Variants in STAB1 observed in about 807,000 individuals in gnomAD.
STAB1 encodes the protein stabilin-1.
Under a neutral mutation model 332.4 loss-of-function variants are expected in STAB1, and 250 were observed. The ratio of observed to expected loss-of-function variants is 0.75; its 90% CI spans 0.68 to 0.84. The LOEUF is 0.84. STAB1 is among the 40% of genes least tolerant of loss of function. The probability of loss-of-function intolerance (pLI) is 0.00; values close to 1 mark genes in which losing one functional copy is unlikely to be tolerated. For missense variants in STAB1, 3,249 were observed against 3,489.7 expected (o/e 0.93, Z 1.74); for synonymous variants, 1,475 against 1,390.4 (o/e 1.06, Z -1.35).
At chr3:52,519,640 G>GTGTGTGCATACCCACC (rs1422330163) in intron 50 of STAB1, 76 bp downstream of exon 50, 1 of 1,566,828 alleles carries the variant, frequency 6.4e-7, no homozygotes, top group African/African-American at 1.4e-5. Context: ...ATGCGTACCT[G>GTGTGTGCATACCCACC]TGTGTGCATA....
chr3:52,504,044 A>T lies in STAB1; in HGVS notation c.1039A>T (p.Ser347Cys), dbSNP rs1382164367. 6.3e-7 allele frequency: 1 copy of T among 1,597,966 alleles called. No individual in the cohort carries two copies. Among genetic ancestry groups the T allele is most frequent in the Non-Finnish European group, 8.5e-7 (1 of 1,172,516 alleles). ...GGAGCCCAGCTGTGTGTGCAGGGAA[A>T]GCGAGGTGGGGGATGGGCGTGCCTG... The part of the protein sequence containing the change: ...DGKTSCVCRE[S>C]EVGDGRACYG... Residue 347 changes from serine to cysteine, a missense_variant, in exon 10 of 69, where the codon AGC becomes TGC. Transcript: ENST00000321725.
In STAB1 at chr3:52,512,495, A is replaced by T. The variant is rs944968550; in HGVS notation, c.2979+59A>T. The T allele has an allele frequency of 1.2e-5, 19 of 1,611,184 alleles. No individual in the cohort carries two copies. The Admixed American group carries it at 3.2e-4, about 27-fold the overall frequency. ...CCGTGCTTGGGAAGGAGCCCTCTCC[A>T]GCACCTCAGGTGGGAAAGGGGCACT... On this transcript the variant is annotated intron_variant, in intron 27 of 68. Transcript: ENST00000321725.
chr3:52,521,289 G>T, intron 55 of STAB1, 72 bp from the exon 56 acceptor site: 1 of 1,596,930 alleles, frequency 6.3e-7, no homozygotes. Context: ...GCAGGGCTAG[G>T]CTGGAGGTAC....
chr3:52,505,557 C>T (rs1274298254), intron 14 of STAB1, 111 bp from the exon 15 acceptor site: 4 of 1,246,482 alleles, frequency 3.2e-6, no homozygotes, highest in Non-Finnish European at 3.4e-6. Context: ...GCCCATGTCT[C>T]CCCCTTACTC....
intron 15 of STAB1, 47 bp downstream of exon 15, chr3:52,505,828 C>T: frequency 6.2e-7 from 1 of 1,613,710 alleles, no homozygotes; most frequent in Non-Finnish European, 8.5e-7. Flanking sequence ...GCACCAGGAC[C>T]TCCACGCTCC....
At chr3:52,500,142 C>T (rs1170282836) in intron 1 of STAB1, among the ~76,000 whole-genome samples, 1 of 152,160 alleles carries the variant, frequency 6.6e-6, no homozygotes, top group East Asian at 1.9e-4. Flanking sequence ...TTACGGAGCT[C>T]CTGCACCCCA....
Position 52,516,030 on chromosome 3 carries a change from C to G in STAB1, c.3949-13C>G. The G allele has an allele frequency of 6.3e-7, 1 of 1,594,610 alleles. No individual in the cohort carries two copies. Among genetic ancestry groups the G allele is most frequent in the South Asian group, 1.1e-5 (1 of 88,724 alleles). ...GGCCTCTCTCGCCCTCTCTCCCATC[C>G]CCACGCCGACAGGTGCCGGACTGCT... On this transcript the variant is annotated splice_polypyrimidine_tract_variant and intron_variant, in intron 37 of 68. Coordinates refer to ENST00000321725, the MANE Select transcript of STAB1 (RefSeq NM_015136.3).
chr3:52,503,266 G>A (rs1708585866), intron 7 of STAB1, 78 bp from the exon 8 acceptor site: 11 of 1,532,202 alleles, frequency 7.2e-6, no homozygotes, highest in Non-Finnish European at 9.7e-6. Context: ...GCTGGCCCCG[G>A]CCTTCCTGGT....
intron 50 of STAB1, 150 bp from the exon 51 acceptor site, chr3:52,519,794 G>A (rs1270081520): frequency 2.0e-5 from 23 of 1,157,548 alleles, no homozygotes; most frequent in Non-Finnish European, 2.5e-5. Flanking sequence ...GCACAGTTGA[G>A]ATGTGTGCAC....
chr3:52,514,396 T>TGG lies in STAB1; in HGVS notation c.3582_3583dup (p.Glu1195GlyfsTer36). On this transcript the variant is annotated frameshift_variant, in exon 34 of 69. Coordinates refer to ENST00000321725, the MANE Select transcript of STAB1 (RefSeq NM_015136.3). LOFTEE classifies it high-confidence loss of function. Reference sequence around the variant, plus strand: ...GACACAGTGCGGCACCATGTGGTCCTGGGGGAGGCCCTCTCCATGGAAACC... The same window carrying TGG: ...GACACAGTGCGGCACCATGTGGTCCTGGGGGGGAGGCCCTCTCCATGGAAACC... The TGG allele has an allele frequency of 6.4e-7, 1 of 1,551,760 alleles. No homozygotes were observed. The highest frequency in any genetic ancestry group is 1.2e-5 in the South Asian group (1 of 80,414).
chr3:52,507,971 C>A lies in STAB1; in HGVS notation c.2093C>A (p.Thr698Lys), dbSNP rs574870263. Residue 698 changes from threonine (T) to lysine (K), a missense_variant, in exon 20 of 69, where the codon ACG (threonine) becomes AAG (lysine). Transcript: ENST00000321725. ...PKECVYIHDP[T>K]GLNVLKKGCA... ...GAGTGTGTCTACATCCATGACCCAA[C>A]GGGGCTCAATGTGCTAAAGAAGGGC... is the stretch of plus-strand genomic sequence containing the variant. The A allele has an allele frequency of 3.1e-6, 5 of 1,613,696 alleles. No homozygotes were observed. Among genetic ancestry groups the A allele is most frequent in the East Asian group, 2.2e-5 (1 of 44,882 alleles).
At position 52,514,769 on chromosome 3, in the gene STAB1, G is replaced by A. The variant is rs199711853; in HGVS notation, c.3747G>A (p.Leu1249=). ...LEAPGRSLIG[L]SGVLTVGSSR... ...CCCCTGGCCGCTCGCTGATTGGTCTGTCGGGGGTCCTGACGGTGGGCTCAA... is the reference window on the plus strand; with the variant it reads ...CCCCTGGCCGCTCGCTGATTGGTCTATCGGGGGTCCTGACGGTGGGCTCAA... Residue 1249 remains leucine (L), a synonymous_variant, in exon 35 of 69, where the codon CTG becomes CTA. Coordinates refer to ENST00000321725, the MANE Select transcript of STAB1 (RefSeq NM_015136.3). 2 of 1,613,024 alleles carry A rather than the reference G, an allele frequency of 1.2e-6. No homozygotes were observed. Among genetic ancestry groups the A allele is most frequent in the East Asian group, 4.5e-5 (2 of 44,876 alleles).
chr3:52,514,367 C>T lies in STAB1; in HGVS notation c.3549C>T (p.Asp1183=), dbSNP rs373901480. Reference sequence around the variant, plus strand: ...TGGGTTCTCTCCTTCTCTTCCAGGACGCAGACACAGTGCGGCACCATGTGG... The same window carrying T: ...TGGGTTCTCTCCTTCTCTTCCAGGATGCAGACACAGTGCGGCACCATGTGG... The part of the protein sequence containing the change: ...LEAQGNSSHL[D]ADTVRHHVVL... The change falls in exon 34 of 69, where the codon GAC becomes GAT. Residue 1183 remains aspartate, a splice_region_variant and synonymous_variant. Transcript: ENST00000321725. 3.7e-5 allele frequency: 57 copies of T among 1,544,730 alleles called. No homozygotes were observed. In the East Asian group the frequency reaches 5.2e-4, roughly 14 times the overall value.
intron 53 of STAB1, 33 bp downstream of exon 53, chr3:52,520,582 C>G (rs2079039591): frequency 6.2e-7 from 1 of 1,611,392 alleles, no homozygotes; most frequent in Non-Finnish European, 8.5e-7. Context: ...GGGCAGAAGC[C>G]CACCCCGCCT....
intron 22 of STAB1, 117 bp downstream of exon 22, chr3:52,509,438 G>A: frequency 5.0e-6 from 4 of 797,774 alleles, no homozygotes; most frequent in Non-Finnish European, 7.8e-6. Flanking sequence ...AGGCCAAGGG[G>A]AGTGGAGGAA....
Position 52,509,819 on chromosome 3 carries a change from C to T in STAB1, c.2348-51C>T, listed in dbSNP as rs556312074. 1.2e-5 allele frequency: 20 copies of T among 1,606,896 alleles called. No individual in the cohort carries two copies. In the South Asian group the frequency reaches 1.3e-4, roughly 11 times the overall value. On this transcript the variant is annotated intron_variant, in intron 22 of 68. Coordinates refer to ENST00000321725, the MANE Select transcript of STAB1 (RefSeq NM_015136.3). ...CCCCAAACCCATCCTGGCTCCCAGC[C>T]AGCCCTGCCTCCTGCTTCTCAGTTT...
At position 52,501,231 on chromosome 3, in the gene STAB1, G is replaced by C. The variant is rs371394247; in HGVS notation, c.144G>C (p.Ala48=). ...CTCATGTACCCTGCACCTCGTGCGC[G>C]GCCATCAAGAAGCAGACGTGTCCCT... The part of the protein sequence containing the change: ...FVTHVPCTSC[A]AIKKQTCPSG... The change falls in exon 2 of 69, where the codon GCG becomes GCC. Residue 48 remains alanine (A), a synonymous_variant. Coordinates refer to ENST00000321725, the MANE Select transcript of STAB1 (RefSeq NM_015136.3). 5 of 1,613,808 alleles carry C rather than the reference G, an allele frequency of 3.1e-6. 1 individual carries two copies. The highest frequency in any genetic ancestry group is 1.6e-4 in the Middle Eastern group (1 of 6,062).
At chr3:52,507,537 T>C in intron 18 of STAB1, 76 bp from the exon 19 acceptor site, 2 of 1,459,670 alleles carry the variant, frequency 1.4e-6, no homozygotes, top group Non-Finnish European at 9.4e-7. Flanking sequence ...CCCCACTCAA[T>C]GTTCCCTTCT....
In STAB1 at chr3:52,501,152, G is replaced by C. The variant is rs771179001; in HGVS notation, c.79-14G>C. 8.1e-6 allele frequency: 13 copies of C among 1,610,446 alleles called. No individual in the cohort carries two copies. The South Asian group carries it at 1.3e-4, about 16-fold the overall frequency. On this transcript the variant is annotated splice_polypyrimidine_tract_variant and intron_variant, in intron 1 of 68. Coordinates refer to ENST00000321725, the MANE Select transcript of STAB1 (RefSeq NM_015136.3). ...GGGTCCAGGCCCCTGACCACACCCTGCCTGTGGCCCCAGGTGCTGTTCAAA... is the reference window on the plus strand; with the variant it reads ...GGGTCCAGGCCCCTGACCACACCCTCCCTGTGGCCCCAGGTGCTGTTCAAA...
Sources: allele counts gnomAD v4.1 joint callset (sites outside exome capture counted in the v4.1 genomes callset), GRCh38; gene constraint gnomAD v4.1.1; transcripts MANE v1.5; gene names NCBI Gene and HGNC (gene_info 2026-07-23, HGNC 2026-07-21).